SETD3: variants seen among roughly 807,000 people sequenced by gnomAD.
SETD3 encodes actin-histidine N-methyltransferase.
SETD3 carries 19 observed loss-of-function variants against 63.0 expected under a neutral mutation model. The observed-to-expected ratio is 0.30, with a 90% CI of 0.21 to 0.44. The LOEUF (loss-of-function observed/expected upper bound fraction) is 0.44. SETD3 is among the 20% of genes least tolerant of loss of function. The pLI is 1.00. For synonymous variants in SETD3, 286 were observed against 264.1 expected (o/e 1.08, Z -0.80); for missense variants, 587 against 728.5 (o/e 0.81, Z 2.24).
Position 99,400,254 on chromosome 14 carries a change from G to A in SETD3, c.1183C>T (p.Leu395=). ...LRVFCMTEEE[L]KEHLLGDSAI... Reference sequence around the variant, plus strand: ...CTGTCTCCCAGCAAGTGTTCTTTCAGTTCTTCTACAAGAAATACAAATGGC... The same window carrying A: ...CTGTCTCCCAGCAAGTGTTCTTTCAATTCTTCTACAAGAAATACAAATGGC... The change falls in exon 12 of 13, where the codon CTG becomes TTG. Residue 395 remains leucine, a synonymous_variant. Transcript: ENST00000331768. 1 of 1,609,564 alleles carries A rather than the reference G, an allele frequency of 6.2e-7. No individual in the cohort carries two copies. The highest frequency in any genetic ancestry group is 1.1e-5 in the South Asian group (1 of 89,926).
At chr14:99,417,994 C>A (rs1022410444) in intron 6 of SETD3, among the ~76,000 whole-genome samples, 2 of 152,116 alleles carry the variant, frequency 1.3e-5, no homozygotes, top group Non-Finnish European at 2.9e-5. Context: ...TTCTTCTCTA[C>A]CCAGACTGAT....
Position 99,405,293 on chromosome 14 carries a change from C to T in SETD3, c.1003G>A (p.Asp335Asn), listed in dbSNP as rs143548749. ...SGFFFDNNSH[D>N]RVKIKLGVSK... ...ACTCCAAGCTTTATTTTCACTCTGT[C>T]GTGTGAGTTATTGTCAAAGAAAAAA... is the stretch of plus-strand genomic sequence containing the variant. Residue 335 changes from aspartate (D) to asparagine (N), a missense_variant, in exon 10 of 13, where the codon GAC (aspartate) becomes AAC (asparagine). Transcript: ENST00000331768. The T allele has an allele frequency of 2.5e-6, 4 of 1,610,488 alleles. No individual in the cohort carries two copies. Among genetic ancestry groups the T allele is most frequent in the African/African-American group, 2.7e-5 (2 of 74,750 alleles).
At chr14:99,402,637 G>A (rs376339027) in intron 11 of SETD3, among the ~76,000 whole-genome samples, 24 of 152,154 alleles carry the variant, frequency 1.6e-4, no homozygotes, top group East Asian at 1.5e-3. Context: ...TGTCACCCAG[G>A]CTGGGGTTGG....
chr14:99,429,627 A>G (rs765546916), intron 6 of SETD3, among the ~76,000 whole-genome samples: 1 of 152,178 alleles, frequency 6.6e-6, no homozygotes, highest in Non-Finnish European at 1.5e-5. Context: ...GATAACTAAC[A>G]TCCTATTTCA....
intron 6 of SETD3, among the ~76,000 whole-genome samples, chr14:99,454,705 T>A (rs770050875): frequency 1.3e-5 from 2 of 152,122 alleles, no homozygotes; most frequent in Non-Finnish European, 2.9e-5. Flanking sequence ...GGCACTCCAT[T>A]AGCCCCCTTT....
intron 6 of SETD3, among the ~76,000 whole-genome samples, chr14:99,442,795 T>C (rs1232192851): frequency 6.6e-6 from 1 of 152,184 alleles, no homozygotes; most frequent in Non-Finnish European, 1.5e-5. Context: ...TTATATGGAT[T>C]TCGACTGCAT....
chr14:99,404,313 G>T lies in SETD3; in HGVS notation c.1092-3C>A. The T allele has an allele frequency of 6.2e-7, 1 of 1,613,778 alleles. No homozygotes were observed. The highest frequency in any genetic ancestry group is 1.1e-5 in the South Asian group (1 of 91,026). The stretch of plus-strand genomic sequence containing the variant: ...AATGCAATGCAAAAACACTGGAACT[G>T]ATAAAAGCAGAAAGCAAGATCAGTC... On this transcript the variant is annotated splice_region_variant and splice_polypyrimidine_tract_variant and intron_variant, in intron 10 of 12. Transcript: ENST00000331768.
At chr14:99,445,707 G>A (rs1013392189) in intron 6 of SETD3, among the ~76,000 whole-genome samples, 6 of 152,186 alleles carry the variant, frequency 3.9e-5, no homozygotes, top group Admixed American at 6.5e-5. Context: ...TAATGTGGGA[G>A]TGTTCTCATA....
chr14:99,480,503 C>T (rs867024475), intron 1 of SETD3, among the ~76,000 whole-genome samples: 70 of 151,050 alleles, frequency 4.6e-4, no homozygotes, highest in African/African-American at 1.6e-3. Flanking sequence ...GGCCGACCGG[C>T]GCCCTCCGAC....
intron 4 of SETD3, among the ~76,000 whole-genome samples, chr14:99,460,299 G>A (rs1464976927): frequency 1.3e-5 from 2 of 151,902 alleles, no homozygotes; most frequent in Non-Finnish European, 2.9e-5. Context: ...GGTTTGAGGG[G>A]GCCCAAATAA....
chr14:99,420,634 G>C (rs1418608260), intron 6 of SETD3, among the ~76,000 whole-genome samples: 2 of 152,018 alleles, frequency 1.3e-5, no homozygotes, highest in Non-Finnish European at 2.9e-5. Context: ...TCTATCCTAT[G>C]TTCCCTCTTA....
At chr14:99,404,929 A>C (rs1891598571) in intron 10 of SETD3, among the ~76,000 whole-genome samples, 1 of 152,260 alleles carries the variant, frequency 6.6e-6, no homozygotes, top group Non-Finnish European at 1.5e-5. Flanking sequence ...GGTGAAAGAC[A>C]TGAATGATAC....
chr14:99,423,652 T>C (rs1041880635), intron 6 of SETD3, among the ~76,000 whole-genome samples: 3 of 133,584 alleles, frequency 2.2e-5, no homozygotes. Context: ...TTGCTATTTC[T>C]CCATTAGCAT....
chr14:99,420,038 G>C (rs1292414540), intron 6 of SETD3, among the ~76,000 whole-genome samples: 1 of 152,230 alleles, frequency 6.6e-6, no homozygotes, highest in African/African-American at 2.4e-5. Flanking sequence ...GTACTGCCTA[G>C]CAGTGAAGAC....
chr14:99,399,985 C>T (rs1033841813), intron 12 of SETD3, 114 bp downstream of exon 12: 2 of 907,662 alleles, frequency 2.2e-6, no homozygotes, highest in Non-Finnish European at 3.3e-6. Flanking sequence ...CGTGATCCGC[C>T]CCGCCTCGAC....
chr14:99,472,070 A>C (rs1895733470), intron 1 of SETD3, among the ~76,000 whole-genome samples: 1 of 152,246 alleles, frequency 6.6e-6, no homozygotes, highest in African/African-American at 2.4e-5. Context: ...AGTATACGCA[A>C]GCTTGATTAA....
chr14:99,462,197 A>G (rs1302812452), intron 3 of SETD3, among the ~76,000 whole-genome samples: 1 of 152,212 alleles, frequency 6.6e-6, no homozygotes, highest in East Asian at 1.9e-4. Context: ...TGAGAATACA[A>G]CTTTGACATG....
chr14:99,471,040 A>T (rs542303191), intron 1 of SETD3, among the ~76,000 whole-genome samples: 72 of 152,160 alleles, frequency 4.7e-4, no homozygotes, highest in African/African-American at 1.7e-3. Flanking sequence ...CTAAAACCCC[A>T]CCTCACTAAC....
intron 8 of SETD3, chr14:99,410,363 T>C: frequency 9.0e-7 from 1 of 1,105,532 alleles, no homozygotes; most frequent in Non-Finnish European, 1.3e-6. Flanking sequence ...TTTTAGATTT[T>C]TTTTTCAATA....
Sources: gnomAD v4.1 joint callset for allele counts (sites outside exome capture counted in the v4.1 genomes callset) on GRCh38, gnomAD v4.1.1 for gene constraint, MANE v1.5 for transcripts, NCBI Gene and HGNC (gene_info 2026-07-23, HGNC 2026-07-21) for gene names.